WDR11: variants seen among roughly 807,000 people sequenced by gnomAD.
The protein encoded by WDR11 is WD repeat-containing protein 11.
In WDR11, 83 loss-of-function variants were observed where a neutral mutation model predicts 151.2. The ratio of observed to expected loss-of-function variants is 0.55; its 90% confidence interval spans 0.46 to 0.66. The LOEUF is 0.66. WDR11 is among the 30% of genes least tolerant of loss of function. The probability of loss-of-function intolerance (pLI) is 0.00; values close to 1 mark genes in which losing one functional copy is unlikely to be tolerated. For synonymous variants in WDR11, 484 were observed against 533.1 expected, an observed-to-expected ratio of 0.91 and a Z score of 1.27; for missense variants, 1,301 against 1,480.9, an observed-to-expected ratio of 0.88 and a Z score of 1.99.
At chr10:120,878,089 A>AC in intron 11 of WDR11, among the ~76,000 whole-genome samples, 1 of 152,178 alleles carries the variant, frequency 6.6e-6, no homozygotes, top group East Asian at 1.9e-4. Context: ...TAATAGTCAT[A>AC]CTAATACTGA....
chr10:120,896,699 C>A (rs367617955), intron 19 of WDR11, among the ~76,000 whole-genome samples: 21 of 152,230 alleles, frequency 1.4e-4, no homozygotes, highest in African/African-American at 5.1e-4. Context: ...ATGTTGTAGT[C>A]TGGAACACAT....
At chr10:120,886,657 A>AG in intron 15 of WDR11, 32 bp from the exon 16 acceptor site, 1 of 1,610,156 alleles carries the variant, frequency 6.2e-7, no homozygotes, top group South Asian at 1.1e-5. Flanking sequence ...GGAAAAAAAA[A>AG]CATCTTTATC....
intron 7 of WDR11, among the ~76,000 whole-genome samples, chr10:120,866,032 A>G (rs1229777334): frequency 2.6e-5 from 4 of 150,968 alleles, no homozygotes; most frequent in South Asian, 2.1e-4. Context: ...TTTTTTCAGT[A>G]CAAGTCCAAC....
intron 9 of WDR11, 76 bp from the exon 10 acceptor site, chr10:120,871,094 A>C: frequency 2.1e-6 from 3 of 1,452,934 alleles, no homozygotes; most frequent in Non-Finnish European, 2.9e-6. Flanking sequence ...GAGCATTTCT[A>C]CTGAAAATTT....
intron 3 of WDR11, 93 bp from the exon 4 acceptor site, chr10:120,860,016 A>G (rs896819241): frequency 1.4e-6 from 2 of 1,460,076 alleles, no homozygotes; most frequent in Non-Finnish European, 9.6e-7. Flanking sequence ...TTTAAAGATT[A>G]TATTTTAAAA....
intron 13 of WDR11, among the ~76,000 whole-genome samples, chr10:120,882,440 G>A (rs1847043298): frequency 6.6e-6 from 1 of 150,992 alleles, no homozygotes; most frequent in Non-Finnish European, 1.5e-5. Flanking sequence ...ATGAGTTTGT[G>A]TAGAATTGAT....
rs1431804067 is a variant in WDR11, at chr10:120,865,233, A to C, written c.879+21A>C. ...TACAGGTATCTACAATTCATAAATTATATTCCCCAAAATTATTAAGAATGT... is the reference window on the plus strand; with the variant it reads ...TACAGGTATCTACAATTCATAAATTCTATTCCCCAAAATTATTAAGAATGT... On this transcript the variant is annotated intron_variant, in intron 6 of 28. Transcript: ENST00000263461. The C allele has an allele frequency of 1.9e-6, 3 of 1,610,486 alleles. No individual in the cohort carries two copies. In the South Asian group the frequency reaches 3.3e-5, roughly 18 times the overall value.
At position 120,888,593 on chromosome 10, in the gene WDR11, A is replaced by G. The variant is rs139127692; in HGVS notation, c.2122-485A>G. 1.8e-3 allele frequency among the ~76,000 whole-genome samples: 279 copies of G among 152,342 alleles called. 1 individual carries two copies. The highest frequency in any genetic ancestry group is 2.9e-3 in the Non-Finnish European group (197 of 68,036). On this transcript the variant is annotated intron_variant, in intron 16 of 28. Transcript: ENST00000263461. The stretch of plus-strand genomic sequence containing the variant: ...TAGTAAACAGCATCTCTTCACCTTC[A>G]TGATTCCACAATGTTCCAAAACGTG...
intron 12 of WDR11, 169 bp from the exon 13 acceptor site, chr10:120,880,656 CA>C (rs11453234): frequency 0.015 from 7,605 of 524,478 alleles, 2 homozygotes; most frequent in Non-Finnish European, 0.017. Context: ...GAGACCATCT[CA>C]AAAAAAAAAA....
At chr10:120,857,932 C>T (rs1015571965) in intron 2 of WDR11, among the ~76,000 whole-genome samples, 2 of 152,070 alleles carry the variant, frequency 1.3e-5, no homozygotes, top group Non-Finnish European at 2.9e-5. Context: ...GTAGTAAATG[C>T]TTTGAAGAAA....
chr10:120,869,805 T>TTTTA (rs1162187170), intron 9 of WDR11, among the ~76,000 whole-genome samples: 1 of 118,862 alleles, frequency 8.4e-6, no homozygotes, highest in Non-Finnish European at 1.9e-5. Context: ...ATTTTATTTT[T>TTTTA]TTTGAGATGG....
chr10:120,891,435 T>G (rs1251733084), intron 19 of WDR11, among the ~76,000 whole-genome samples: 2 of 152,192 alleles, frequency 1.3e-5, no homozygotes, highest in Non-Finnish European at 2.9e-5. Flanking sequence ...AAAAAGCATT[T>G]TAGTAGAATA....
intron 19 of WDR11, among the ~76,000 whole-genome samples, chr10:120,899,646 G>A (rs1371782736): frequency 6.6e-6 from 1 of 152,086 alleles, no homozygotes; most frequent in Non-Finnish European, 1.5e-5. Flanking sequence ...AGCCAGGCAT[G>A]GTGGCAGGTG....
At position 120,871,651 on chromosome 10, in the gene WDR11, G is replaced by T. The variant is rs1846548116; in HGVS notation, c.1471+305G>T. Among the ~76,000 whole-genome samples, 6 of 152,158 alleles carry T rather than the reference G, an allele frequency of 3.9e-5. No individual in the cohort carries two copies. In the South Asian group the frequency reaches 1.2e-3, roughly 32 times the overall value. ...TCATCCCTGCAGTGCTGAATCCCAG[G>T]CTCCTTGTCTGTAATTGGACCACCC... is the stretch of plus-strand genomic sequence containing the variant. On this transcript the variant is annotated intron_variant, in intron 10 of 28. Transcript: ENST00000263461.
intron 5 of WDR11, among the ~76,000 whole-genome samples, chr10:120,863,966 A>G (rs987969629): frequency 2.6e-5 from 4 of 152,148 alleles, no homozygotes; most frequent in Admixed American, 6.5e-5. Flanking sequence ...ATAAACAAGA[A>G]ATTATTTGGC....
At chr10:120,888,454 A>G (rs1458759733) in intron 16 of WDR11, among the ~76,000 whole-genome samples, 1 of 152,234 alleles carries the variant, frequency 6.6e-6, no homozygotes, top group Non-Finnish European at 1.5e-5. Context: ...TAGAACTGCA[A>G]GTTCCTTTCT....
chr10:120,874,060 C>A, intron 11 of WDR11, 137 bp downstream of exon 11: 1 of 660,246 alleles, frequency 1.5e-6, no homozygotes, highest in Non-Finnish European at 2.8e-6. Context: ...TCATGTCCAA[C>A]TAATGGCTAT....
chr10:120,906,411 A>G (rs551629258), intron 27 of WDR11: 4 of 1,245,898 alleles, frequency 3.2e-6, no homozygotes, highest in South Asian at 3.4e-5. Flanking sequence ...AGGAACAACC[A>G]TCACTAATTG....
At chr10:120,877,900 G>A (rs1846853531) in intron 11 of WDR11, among the ~76,000 whole-genome samples, 2 of 152,156 alleles carry the variant, frequency 1.3e-5, no homozygotes, top group Admixed American at 1.3e-4. Context: ...ATGAATATCT[G>A]TTGAATATCT....
Sources: gnomAD v4.1 joint callset for allele counts (sites outside exome capture counted in the v4.1 genomes callset) on GRCh38, gnomAD v4.1.1 for gene constraint, MANE v1.5 for transcripts, NCBI Gene and HGNC (gene_info 2026-07-23, HGNC 2026-07-21) for gene names.